Variants in DCAF8L2 observed in about 807,000 individuals in gnomAD.
The protein encoded by DCAF8L2 is DDB1 and CUL4 associated factor 8 like 2.
For missense variants in DCAF8L2, 430 were observed against 490.7 expected (o/e 0.88, Z 1.17); for synonymous variants, 200 against 190.9 (o/e 1.05, Z -0.39).
At chrX:27,470,952 G>A in the DCAF8L2 span, among the ~76,000 whole-genome samples, 1 of 111,389 alleles carries the variant, frequency 9.0e-6, no homozygotes, top group South Asian at 3.8e-4. Context: ...ATTACTGAGA[G>A]TAGGTATAGC....
At chrX:27,571,456 A>G in the DCAF8L2 span, among the ~76,000 whole-genome samples, 138 of 111,819 alleles carry the variant, frequency 1.2e-3, no homozygotes, top group African/African-American at 4.4e-3. Flanking sequence ...TTTTGGTGAG[A>G]GGGCTATCCT....
the DCAF8L2 span, among the ~76,000 whole-genome samples, chrX:27,472,647 G>A: frequency 2.6e-4 from 29 of 111,113 alleles, no homozygotes; most frequent in Admixed American, 2.8e-3. Context: ...GCGGTGTTTC[G>A]TTTTCTGTTT....
rs775061877 is a variant in DCAF8L2, at chrX:27,722,643, T to C, written c.-59+6472T>C. ...TTGAACCATTGTAAGTTGAGGATTGTCTGTGTGTGTGTGTATGTGTGCATG... is the reference window on the plus strand; with the variant it reads ...TTGAACCATTGTAAGTTGAGGATTGCCTGTGTGTGTGTGTATGTGTGCATG... On this transcript the variant is annotated intron_variant, in intron 4 of 4. Transcript: ENST00000451261. Among the ~76,000 whole-genome samples, 7 of 111,052 alleles carry C rather than the reference T, an allele frequency of 6.3e-5. 1 individual carries two copies. The South Asian group carries it at 2.6e-3, about 42-fold the overall frequency.
intron 2 of DCAF8L2, among the ~76,000 whole-genome samples, chrX:27,641,465 TTACTTTTC>T (rs1555922912): frequency 6.5e-5 from 3 of 46,474 alleles, no homozygotes; most frequent in Non-Finnish European, 9.5e-5. Flanking sequence ...TTCCTTTTCT[TTACTTTTC>T]TTTTTTTTTT....
intron 4 of DCAF8L2, among the ~76,000 whole-genome samples, chrX:27,727,709 T>C (rs1238775269): frequency 8.9e-6 from 1 of 111,903 alleles, no homozygotes; most frequent in Non-Finnish European, 1.9e-5. Flanking sequence ...AATTTTTATT[T>C]AGATTGTATT....
intron 2 of DCAF8L2, chrX:27,633,239 G>A (rs1249566068): frequency 1.8e-5 from 2 of 111,936 alleles, no homozygotes; most frequent in African/African-American, 6.5e-5. Context: ...AATCCTAGAT[G>A]TGTTCAATTG....
At chrX:27,567,339 T>A in the DCAF8L2 span, among the ~76,000 whole-genome samples, 5 of 108,513 alleles carry the variant, frequency 4.6e-5, no homozygotes, top group East Asian at 1.5e-3. Flanking sequence ...AGTCACCTAC[T>A]ATTATTTTGT....
chrX:27,671,509 G>A (rs1161961355), intron 2 of DCAF8L2, among the ~76,000 whole-genome samples: 2 of 111,665 alleles, frequency 1.8e-5, no homozygotes, highest in South Asian at 3.7e-4. Context: ...AAGGGGAAGC[G>A]CTCTTGAATA....
the DCAF8L2 span, among the ~76,000 whole-genome samples, chrX:27,524,789 C>T: frequency 2.7e-5 from 3 of 111,238 alleles, no homozygotes; most frequent in African/African-American, 9.8e-5. Flanking sequence ...CGTTATGTAC[C>T]CAGTAGTCAT....
the DCAF8L2 span, among the ~76,000 whole-genome samples, chrX:27,562,079 A>G: frequency 1.8e-5 from 2 of 111,868 alleles, no homozygotes; most frequent in Non-Finnish European, 3.8e-5. Flanking sequence ...TTACTATTGT[A>G]TTTCTTTTTC....
At chrX:27,478,792 A>G in the DCAF8L2 span, among the ~76,000 whole-genome samples, 1 of 112,113 alleles carries the variant, frequency 8.9e-6, no homozygotes, top group Non-Finnish European at 1.9e-5. Flanking sequence ...AGGAATAAAA[A>G]CATTGTTTAG....
chrX:27,644,735 G>A (rs1430624813), intron 2 of DCAF8L2, among the ~76,000 whole-genome samples: 1 of 111,644 alleles, frequency 9.0e-6, no homozygotes, highest in East Asian at 2.8e-4. Flanking sequence ...TTGAAAAGGA[G>A]GGACTCATCC....
intron 2 of DCAF8L2, among the ~76,000 whole-genome samples, chrX:27,669,704 A>G (rs1428915803): frequency 9.3e-6 from 1 of 107,299 alleles, no homozygotes; most frequent in Admixed American, 1.0e-4. Flanking sequence ...ATCCCCACCT[A>G]TGAGTGAGAA....
chrX:27,731,156 G>A (rs911084015), intron 4 of DCAF8L2, among the ~76,000 whole-genome samples: 1 of 110,342 alleles, frequency 9.1e-6, no homozygotes, highest in African/African-American at 3.3e-5. Context: ...ACCGAGGCGG[G>A]TGGATCACTT....
In DCAF8L2 at chrX:27,747,496, C is replaced by T. The variant is rs1602826811; in HGVS notation, c.601C>T (p.Arg201Cys). The part of the protein sequence containing the change: ...TALHQRQLGS[R>C]PRFVYEACGA... ...TCTTCACCAGCGGCAGCTGGGTTCA[C>T]GTCCCCGCTTTGTATATGAGGCCTG... Residue 201 changes from arginine (R) to cysteine (C), a missense_variant, in exon 5 of 5, where the codon CGT becomes TGT. Arg to Cys is a radical substitution (Grantham distance 180). Transcript: ENST00000451261. 1.2e-5 allele frequency: 14 copies of T among 1,176,763 alleles called. No homozygotes were observed. Among genetic ancestry groups the T allele is most frequent in the Non-Finnish European group, 1.6e-5 (14 of 877,679 alleles).
the DCAF8L2 span, among the ~76,000 whole-genome samples, chrX:27,471,748 C>T: frequency 6.3e-5 from 7 of 111,227 alleles, no homozygotes; most frequent in African/African-American, 2.3e-4. Context: ...GCTCTCATCC[C>T]ACTCCCCCAG....
At chrX:27,664,185 T>C (rs1171036938) in intron 2 of DCAF8L2, among the ~76,000 whole-genome samples, 1 of 110,961 alleles carries the variant, frequency 9.0e-6, no homozygotes, top group Non-Finnish European at 1.9e-5. Flanking sequence ...GTTAGACAAG[T>C]TGTAAATGCA....
At chrX:27,485,925 T>TC in the DCAF8L2 span, among the ~76,000 whole-genome samples, 15 of 11,937 alleles carry the variant, frequency 1.3e-3, no homozygotes, top group African/African-American at 3.0e-3. Context: ...TCTTTTTCTC[T>TC]TTTTTTTTTT....
the DCAF8L2 span, among the ~76,000 whole-genome samples, chrX:27,560,080 A>G: frequency 3.6e-5 from 4 of 110,373 alleles, no homozygotes; most frequent in African/African-American, 9.9e-5. Flanking sequence ...ATCCTGGCTA[A>G]CACGGTGAAA....
Sources: gnomAD v4.1 joint callset for allele counts (sites outside exome capture counted in the v4.1 genomes callset) on GRCh38, gnomAD v4.1.1 for gene constraint, MANE v1.5 for transcripts, NCBI Gene and HGNC (gene_info 2026-07-23, HGNC 2026-07-21) for gene names.